The following PPFIBP2 variants were observed in gnomAD, a reference collection of about 807,000 sequenced individuals.
PPFIBP2 encodes the protein PPFIB scaffold protein 2.
A neutral mutation model predicts 118.3 loss-of-function variants in PPFIBP2; 118 were observed. The ratio of observed to expected loss-of-function variants is 1.00; its 90% CI spans 0.86 to 1.16. PPFIBP2 has a LOEUF of 1.16. Among genes scored for constraint, PPFIBP2 ranks in the 50% most tolerant of loss-of-function variants. The pLI, the probability that PPFIBP2 is intolerant of heterozygous loss-of-function variation, is 0.00. For missense variants in PPFIBP2, 1,195 were observed against 1,073.1 expected (o/e 1.11, Z -1.59); for synonymous variants, 414 against 397.4 (o/e 1.04, Z -0.50).
At chr11:7,587,069 G>A (rs1294309784) in intron 3 of PPFIBP2, among the ~76,000 whole-genome samples, 1 of 152,070 alleles carries the variant, frequency 6.6e-6, no homozygotes, top group African/African-American at 2.4e-5. Flanking sequence ...CACCAACCCC[G>A]GTTGATGCCC....
the PPFIBP2 span, among the ~76,000 whole-genome samples, chr11:7,663,617 C>A: frequency 1.3e-5 from 2 of 152,238 alleles, no homozygotes; most frequent in Admixed American, 6.5e-5. Flanking sequence ...CTGTTCCCTG[C>A]CCCCAGAGGT....
In PPFIBP2 at chr11:7,593,182, C is replaced by T; in HGVS notation, c.330C>T (p.Arg110=). ...SAASNETYQE[R]LARLEGDKES... ...CTAGTAATGAAACCTACCAGGAACG[C>T]TTGGCACGTCTAGAAGGGGATAAGG... Residue 110 remains arginine (R), a synonymous_variant, in exon 4 of 24, where the codon CGC becomes CGT. Transcript: ENST00000299492. 1.2e-6 allele frequency: 2 copies of T among 1,614,012 alleles called. No homozygotes were observed. The highest frequency in any genetic ancestry group is 8.5e-7 in the Non-Finnish European group (1 of 1,179,956).
intron 10 of PPFIBP2, among the ~76,000 whole-genome samples, chr11:7,630,141 A>T (rs1017014947): frequency 6.6e-6 from 1 of 152,174 alleles, no homozygotes; most frequent in Non-Finnish European, 1.5e-5. Context: ...GGCTCCCATC[A>T]TAGATCCTGA....
At position 7,625,767 on chromosome 11, in the gene PPFIBP2, G is replaced by T. The variant is rs367581412; in HGVS notation, c.712-10G>T. 99 of 1,612,744 alleles carry T rather than the reference G, an allele frequency of 6.1e-5. No homozygotes were observed. The highest frequency in any genetic ancestry group is 8.1e-5 in the Non-Finnish European group (95 of 1,178,886). Reference sequence around the variant, plus strand: ...TCTGACCTGGTAGGGATCCTCTGTTGCTCTTCCAGGCTGAAGTCGCCCAGC... The same window carrying T: ...TCTGACCTGGTAGGGATCCTCTGTTTCTCTTCCAGGCTGAAGTCGCCCAGC... On this transcript the variant is annotated splice_polypyrimidine_tract_variant and intron_variant, in intron 7 of 23. Coordinates refer to ENST00000299492, the MANE Select transcript of PPFIBP2 (RefSeq NM_003621.5).
intron 4 of PPFIBP2, among the ~76,000 whole-genome samples, chr11:7,596,313 C>T (rs1293895144): frequency 6.6e-6 from 1 of 151,888 alleles, no homozygotes; most frequent in African/African-American, 2.4e-5. Flanking sequence ...AGTGTTGGGC[C>T]ACAGGGATTA....
rs1286615858 is a variant in PPFIBP2, at chr11:7,648,438, G to A, written c.1698G>A (p.Trp566Ter). 1.2e-6 allele frequency: 2 copies of A among 1,614,142 alleles called. No individual in the cohort carries two copies. The highest frequency in any genetic ancestry group is 2.2e-5 in the South Asian group (2 of 91,080). Residue 566 changes from tryptophan (W) to a stop codon, truncating the protein, a stop_gained, in exon 18 of 24, where the codon TGG becomes TGA. Transcript: ENST00000299492. LOFTEE classifies it high-confidence loss of function. ...AQWSTERVCAWLEDFGLAQYV... is the reference protein window; with the variant it reads ...AQWSTERVCA ...GGAGCACAGAGCGTGTGTGTGCATGGCTGGAGGACTTTGGCCTGGCTCAGT... is the reference window on the plus strand; with the variant it reads ...GGAGCACAGAGCGTGTGTGTGCATGACTGGAGGACTTTGGCCTGGCTCAGT...
At chr11:7,640,008 T>G in intron 15 of PPFIBP2, 138 bp downstream of exon 15, 1 of 1,214,240 alleles carries the variant, frequency 8.2e-7, no homozygotes, top group Non-Finnish European at 1.1e-6. Context: ...AAGTTGTACC[T>G]TGGGGTGGTC....
In PPFIBP2 at chr11:7,610,272, G is replaced by T. The variant is rs61888783; in HGVS notation, c.487-19G>T. The stretch of plus-strand genomic sequence containing the variant: ...TTGCCATAGTGGTTTCTGATTTCGA[G>T]ATCTGTTTTTGCTTGCAGGAGCTGC... On this transcript the variant is annotated intron_variant, in intron 5 of 23. Transcript: ENST00000299492. The T allele has an allele frequency of 6.2e-7, 1 of 1,611,894 alleles. No individual in the cohort carries two copies. The highest frequency in any genetic ancestry group is 8.5e-7 in the Non-Finnish European group (1 of 1,178,040).
chr11:7,618,064 C>T lies in PPFIBP2; in HGVS notation c.619-2871C>T, dbSNP rs1301619256. On this transcript the variant is annotated intron_variant, in intron 6 of 23. Coordinates refer to ENST00000299492, the MANE Select transcript of PPFIBP2 (RefSeq NM_003621.5). ...ACCGAGGTCACAGCAGCCATGAGTACTACAGAGGATACCCTGGCTCTGTAG... is the reference window on the plus strand; with the variant it reads ...ACCGAGGTCACAGCAGCCATGAGTATTACAGAGGATACCCTGGCTCTGTAG... 2.6e-5 allele frequency among the ~76,000 whole-genome samples: 4 copies of T among 152,136 alleles called. No homozygotes were observed. In the East Asian group the frequency reaches 7.7e-4, roughly 29 times the overall value.
chr11:7,540,045 G>C (rs1851620144), intron 1 of PPFIBP2, among the ~76,000 whole-genome samples: 1 of 152,110 alleles, frequency 6.6e-6, no homozygotes, highest in African/African-American at 2.4e-5. Context: ...ATGAAGGAAA[G>C]AACTTGGATC....
At chr11:7,582,298 G>GT (rs1857393532) in intron 3 of PPFIBP2, among the ~76,000 whole-genome samples, 1 of 152,152 alleles carries the variant, frequency 6.6e-6, no homozygotes, top group South Asian at 2.1e-4. Flanking sequence ...AAAGGCAACA[G>GT]TGGATATGGT....
chr11:7,628,712 A>G (rs1171573245), intron 9 of PPFIBP2, among the ~76,000 whole-genome samples: 4 of 152,244 alleles, frequency 2.6e-5, no homozygotes, highest in Non-Finnish European at 4.4e-5. Flanking sequence ...GAACCATCAT[A>G]GAGACACTTG....
At chr11:7,663,327 G>C in the PPFIBP2 span, among the ~76,000 whole-genome samples, 13 of 150,596 alleles carry the variant, frequency 8.6e-5, no homozygotes, top group Middle Eastern at 3.4e-3. Flanking sequence ...TGGGTTTTTG[G>C]TGTGGATGTC....
At chr11:7,558,737 CAG>C (rs1247723752) in intron 2 of PPFIBP2, among the ~76,000 whole-genome samples, 1 of 150,210 alleles carries the variant, frequency 6.7e-6, no homozygotes, top group Non-Finnish European at 1.5e-5. Flanking sequence ...GCCTGGGTAA[CAG>C]AGCAACTCTG....
chr11:7,529,513 TTC>T (rs1421841582), intron 1 of PPFIBP2, among the ~76,000 whole-genome samples: 1 of 152,178 alleles, frequency 6.6e-6, no homozygotes, highest in Non-Finnish European at 1.5e-5. Context: ...CTCAGCCATC[TTC>T]TCTCAAGGCC....
In PPFIBP2 at chr11:7,549,426, A is replaced by T. The variant is rs1208483041; in HGVS notation, c.-36-14A>T. The T allele has an allele frequency of 6.4e-7, 1 of 1,550,456 alleles. No homozygotes were observed. Among genetic ancestry groups the T allele is most frequent in the Non-Finnish European group, 8.7e-7 (1 of 1,145,888 alleles). On this transcript the variant is annotated splice_polypyrimidine_tract_variant and intron_variant, in intron 1 of 23. Transcript: ENST00000299492. The stretch of plus-strand genomic sequence containing the variant: ...CTCTGTAATTTTTCCTTTGTTCTGT[A>T]TTTGAATTTTCAGTAAGAAGAGGAG...
chr11:7,531,422 T>G (rs540674108), intron 1 of PPFIBP2, among the ~76,000 whole-genome samples: 131 of 152,338 alleles, frequency 8.6e-4, no homozygotes, highest in African/African-American at 3.1e-3. Context: ...TCCTAAAATC[T>G]GGCCTCACTA....
intron 3 of PPFIBP2, among the ~76,000 whole-genome samples, chr11:7,591,343 G>A (rs774347589): frequency 6.6e-6 from 1 of 151,688 alleles, no homozygotes; most frequent in African/African-American, 2.4e-5. Context: ...TTCGGCACTG[G>A]GGTTCTACCT....
Position 7,648,791 on chromosome 11 carries a change from T to G in PPFIBP2, c.1798-9T>G. Reference sequence around the variant, plus strand: ...AATTTCACATGTGGTCTTCATCTTTTAATTTCAGGAGCTAGGAATTAAGCA... The same window carrying G: ...AATTTCACATGTGGTCTTCATCTTTGAATTTCAGGAGCTAGGAATTAAGCA... On this transcript the variant is annotated splice_polypyrimidine_tract_variant and intron_variant, in intron 18 of 23. Transcript: ENST00000299492. 7 of 1,613,092 alleles carry G rather than the reference T, an allele frequency of 4.3e-6. No homozygotes were observed. Among genetic ancestry groups the G allele is most frequent in the Non-Finnish European group, 5.9e-6 (7 of 1,179,256 alleles).
Sources: gnomAD v4.1 joint callset for allele counts (sites outside exome capture counted in the v4.1 genomes callset) on GRCh38, gnomAD v4.1.1 for gene constraint, MANE v1.5 for transcripts, NCBI Gene and HGNC (gene_info 2026-07-23, HGNC 2026-07-21) for gene names.